The following CENPC variants were observed in gnomAD, a reference collection of about 807,000 sequenced individuals.
CENPC encodes centromere protein C.
A neutral mutation model predicts 112.1 loss-of-function variants in CENPC; 63 were observed. The observed-to-expected ratio is 0.56, with a 90% confidence interval of 0.46 to 0.69. CENPC has a LOEUF of 0.69. Ranked by LOEUF, CENPC falls within the 30% of genes least tolerant of loss-of-function variation. The pLI is 0.00. For synonymous variants in CENPC, 333 were observed against 367.6 expected (o/e 0.91, Z 1.08); for missense variants, 1,000 against 1,103.8 (o/e 0.91, Z 1.33).
At chr4:67,481,616 G>A (rs1221800049) in intron 17 of CENPC, among the ~76,000 whole-genome samples, 1 of 152,156 alleles carries the variant, frequency 6.6e-6, no homozygotes, top group Non-Finnish European at 1.5e-5. Flanking sequence ...ACAGCCAACT[G>A]ATCTTCAACA....
chr4:67,501,059 G>A (rs1725577388), intron 12 of CENPC, among the ~76,000 whole-genome samples: 2 of 152,152 alleles, frequency 1.3e-5, no homozygotes, highest in Admixed American at 1.3e-4. Context: ...TGTAATCCCA[G>A]CGCTTTGGGA....
chr4:67,502,141 C>G (rs1294322393), intron 12 of CENPC, among the ~76,000 whole-genome samples: 1 of 151,832 alleles, frequency 6.6e-6, no homozygotes, highest in Admixed American at 6.6e-5. Flanking sequence ...AAGATCATGA[C>G]TCAAGATTAT....
At chr4:67,524,670 A>G (rs1178421383) in intron 5 of CENPC, among the ~76,000 whole-genome samples, 1 of 152,216 alleles carries the variant, frequency 6.6e-6, no homozygotes, top group Non-Finnish European at 1.5e-5. Flanking sequence ...ACCACTGCTC[A>G]AGGAAATGAG....
rs368715309 is a variant in CENPC at position 67,530,804 on chromosome 4, A to T, written c.331+11T>A. ...ATCCAAGCAAATAATGCCCATGGAG[A>T]TGGCACCAACCTGATCTGTTTGTGG... On this transcript the variant is annotated intron_variant, in intron 5 of 18. Transcript: ENST00000273853. The T allele has an allele frequency of 4.6e-5, 65 of 1,426,882 alleles. No individual in the cohort carries two copies. The highest frequency in any genetic ancestry group is 5.8e-5 in the Non-Finnish European group (60 of 1,036,604). 88.4% of individuals were successfully genotyped at this position (1,426,882 alleles called of 1,614,324 possible).
chr4:67,480,952 G>A (rs1182294698), intron 17 of CENPC, among the ~76,000 whole-genome samples: 3 of 151,992 alleles, frequency 2.0e-5, no homozygotes, highest in Admixed American at 6.6e-5. Context: ...CAGAGCAATC[G>A]GACAAAGGAA....
intron 18 of CENPC, 119 bp from the exon 19 acceptor site, chr4:67,472,794 T>G: frequency 9.0e-7 from 1 of 1,112,360 alleles, no homozygotes; most frequent in Non-Finnish European, 1.2e-6. Context: ...ACAATTCACC[T>G]AACCTAAAGT....
Position 67,493,971 on chromosome 4 carries a change from G to T in CENPC, c.2203C>A (p.Pro735Thr). 1 of 1,610,666 alleles carries T rather than the reference G, an allele frequency of 6.2e-7. No individual in the cohort carries two copies. Among genetic ancestry groups the T allele is most frequent in the Non-Finnish European group, 8.5e-7 (1 of 1,178,216 alleles). The change falls in exon 14 of 19, where the codon CCA becomes ACA. Residue 735 changes from proline to threonine, a missense_variant. Pro to Thr is a conservative substitution (Grantham distance 38, BLOSUM62 -1). Coordinates refer to ENST00000273853, the MANE Select transcript of CENPC (RefSeq NM_001812.4). ...HHKLVLPSNT[P>T]NVRRTKRTRL... The stretch of plus-strand genomic sequence containing the variant: ...GTTCTCTTGGTCCTGCGAACATTTG[G>T]TGTGTTGGAGGGCAATACTATAAAA...
Position 67,469,535 on chromosome 4 carries a change from G to C in CENPC, c.*3070C>G, listed in dbSNP as rs1724596196. 6.6e-6 allele frequency: 1 copy of C among 152,292 alleles called. No homozygotes were observed. The highest frequency in any genetic ancestry group is 2.1e-4 in the South Asian group (1 of 4,830). 9.4% of individuals were successfully genotyped at this position (152,292 alleles called of 1,614,324 possible). The stretch of plus-strand genomic sequence containing the variant: ...TAACTTTTGTATTTTAGTAGAGACG[G>C]GGTTTCACCATGTTAGCCAGGCTGG... On this transcript the variant is annotated 3_prime_UTR_variant, in exon 19 of 19. Coordinates refer to ENST00000273853, the MANE Select transcript of CENPC (RefSeq NM_001812.4).
At chr4:67,521,163 A>G (rs1210180245) in intron 5 of CENPC, among the ~76,000 whole-genome samples, 5 of 151,024 alleles carry the variant, frequency 3.3e-5, no homozygotes, top group Non-Finnish European at 4.4e-5. Flanking sequence ...AATCTCAGGA[A>G]TACAATCAAA....
chr4:67,492,659 GA>G lies in CENPC; in HGVS notation c.2419+209del, dbSNP rs1162261910. The G allele has an allele frequency of 3.9e-6, 3 of 778,290 alleles. No homozygotes were observed. In the African/African-American group the frequency reaches 5.4e-5, roughly 14 times the overall value. 48.2% of individuals were successfully genotyped at this position (778,290 alleles called of 1,614,324 possible). On this transcript the variant is annotated intron_variant, in intron 15 of 18. Transcript: ENST00000273853. ...TTTGACTGGGAAATTTACTCATGAA[GA>G]AATTTATAATATGCTATTAATAATT...
In CENPC at chr4:67,491,446, CATATATATATATATATATATAT is replaced by C. The variant is rs58687245; in HGVS notation, c.2515+712_2515+733del. Among the ~76,000 whole-genome samples, 52 of 36,574 alleles carry C rather than the reference CATATATATATATATATATATAT, an allele frequency of 1.4e-3. 1 individual carries two copies. The highest frequency in any genetic ancestry group is 2.8e-3 in the African/African-American group (26 of 9,394). The allele number at this position is 36,574 out of a possible 152,430, so 24.0% of individuals were successfully genotyped here. On this transcript the variant is annotated intron_variant, in intron 16 of 18. Coordinates refer to ENST00000273853, the MANE Select transcript of CENPC (RefSeq NM_001812.4). ...CAGTTGTTAATATATTTAAATATTTCATATATATATATATATATATATATATATATATATAGAGAGAGAGAGA... is the reference window on the plus strand; with the variant it reads ...CAGTTGTTAATATATTTAAATATTTCATATATATATATAGAGAGAGAGAGA...
intron 12 of CENPC, among the ~76,000 whole-genome samples, chr4:67,496,293 C>T (rs892770621): frequency 6.6e-6 from 1 of 152,176 alleles, no homozygotes; most frequent in Non-Finnish European, 1.5e-5. Context: ...CAGCAGCTTG[C>T]ATTTAACTAT....
intron 4 of CENPC, among the ~76,000 whole-genome samples, chr4:67,538,170 C>T (rs568244051): frequency 6.6e-6 from 1 of 152,128 alleles, no homozygotes; most frequent in South Asian, 2.1e-4. Context: ...AGAGTAGAAC[C>T]TTTATTTTGA....
intron 17 of CENPC, among the ~76,000 whole-genome samples, chr4:67,488,035 T>C (rs1725138340): frequency 6.6e-6 from 1 of 151,718 alleles, no homozygotes; most frequent in South Asian, 2.1e-4. Context: ...TTAAAGGTAA[T>C]ATATAGAAGA....
intron 5 of CENPC, among the ~76,000 whole-genome samples, chr4:67,530,059 C>T (rs575942733): frequency 1.1e-3 from 164 of 152,084 alleles, no homozygotes; most frequent in African/African-American, 3.7e-3. Flanking sequence ...TGTCATGTTA[C>T]ATACCGAAAC....
chr4:67,495,288 ATTTC>A, intron 12 of CENPC, 76 bp from the exon 13 acceptor site: 1 of 1,290,778 alleles, frequency 7.7e-7, no homozygotes, highest in South Asian at 1.4e-5. Context: ...TTCCTGGTCA[ATTTC>A]AGTATGAGTA....
chr4:67,486,104 T>C (rs372978303), intron 17 of CENPC, among the ~76,000 whole-genome samples: 1 of 152,184 alleles, frequency 6.6e-6, no homozygotes, highest in East Asian at 1.9e-4. Context: ...AGTATATATT[T>C]CTAGTGTTTT....
chr4:67,508,245 C>T (rs1725789954), intron 10 of CENPC, among the ~76,000 whole-genome samples: 1 of 151,968 alleles, frequency 6.6e-6, no homozygotes, highest in Non-Finnish European at 1.5e-5. Context: ...TGTTTTTTGT[C>T]TGTTTGTTTT....
rs543809236 is a variant in CENPC, at chr4:67,517,380, T to C, written c.830+776A>G. On this transcript the variant is annotated intron_variant, in intron 7 of 18. Coordinates refer to ENST00000273853, the MANE Select transcript of CENPC (RefSeq NM_001812.4). ...TTTCACCATGTTGGTCAGGCTGGTC[T>C]TGAACCTCTGATCTCAAGTGATCCA... 1.0e-3 allele frequency among the ~76,000 whole-genome samples: 155 copies of C among 150,918 alleles called. 2 individuals are homozygous for C. Among genetic ancestry groups the C allele is most frequent in the African/African-American group, 3.4e-3 (141 of 40,926 alleles).
Sources: gnomAD v4.1 joint callset for allele counts (sites outside exome capture counted in the v4.1 genomes callset) on GRCh38, gnomAD v4.1.1 for gene constraint, MANE v1.5 for transcripts, NCBI Gene and HGNC (gene_info 2026-07-23, HGNC 2026-07-21) for gene names.